The following DYM variants were observed in gnomAD, a reference collection of about 807,000 sequenced individuals.
DYM encodes the protein dymeclin.
In DYM, 78 loss-of-function variants were observed where a neutral mutation model predicts 93.1. The observed-to-expected ratio is 0.84, with a 90% CI of 0.70 to 1.01. The LOEUF (loss-of-function observed/expected upper bound fraction) is 1.01, where lower values mean the gene tolerates loss of function less well. DYM is among the 50% of genes least tolerant of loss of function. DYM has a pLI of 0.00. For synonymous variants in DYM, 321 were observed against 319.7 expected (o/e 1.00, Z -0.04); for missense variants, 789 against 845.0 (o/e 0.93, Z 0.82).
At chr18:49,052,711 C>T (rs1220866710) in intron 17 of DYM, among the ~76,000 whole-genome samples, 1 of 152,262 alleles carries the variant, frequency 6.6e-6, no homozygotes, top group Non-Finnish European at 1.5e-5. Flanking sequence ...TGGCTCTTCT[C>T]TGCCCACATC....
rs74169170 is a variant in DYM, at chr18:49,292,361, C to G, written c.764-5745G>C. Among the ~76,000 whole-genome samples, 385 of 75,410 alleles carry G rather than the reference C, an allele frequency of 5.1e-3. 1 individual carries two copies. The highest frequency in any genetic ancestry group is 0.013 in the African/African-American group (279 of 21,602). The allele number at this position is 75,410 out of a possible 152,430, so 49.5% of individuals were successfully genotyped here. A position where few individuals can be genotyped will look rare whatever the true frequency, so the allele number is the denominator to read the frequency against. ...GCAGACAGACAGACAGACAGACACA[C>G]ACACACACACACACACACACACACA... On this transcript the variant is annotated intron_variant, in intron 8 of 17. Coordinates refer to ENST00000675505, the MANE Select transcript of DYM (RefSeq NM_001353214.3).
chr18:49,221,446 C>T (rs2144076300), intron 13 of DYM, among the ~76,000 whole-genome samples: 1 of 152,142 alleles, frequency 6.6e-6, no homozygotes, highest in Non-Finnish European at 1.5e-5. Context: ...GCTATAAAGA[C>T]ACATGCACAC....
At chr18:49,107,456 C>A (rs1454573211) in intron 16 of DYM, among the ~76,000 whole-genome samples, 2 of 152,310 alleles carry the variant, frequency 1.3e-5, no homozygotes, top group East Asian at 3.9e-4. Flanking sequence ...TGAGGAGCTG[C>A]GTTCCTTTGG....
At chr18:49,385,419 G>C (rs2147798380) in intron 3 of DYM, among the ~76,000 whole-genome samples, 1 of 152,304 alleles carries the variant, frequency 6.6e-6, no homozygotes, top group East Asian at 1.9e-4. Context: ...ATCTGGGCTG[G>C]GCACAGTGGC....
intron 2 of DYM, among the ~76,000 whole-genome samples, chr18:49,422,637 G>A (rs1011563516): frequency 1.3e-5 from 2 of 152,108 alleles, no homozygotes; most frequent in African/African-American, 2.4e-5. Flanking sequence ...TCAGTGTGCT[G>A]TATTCAGGAA....
intron 14 of DYM, among the ~76,000 whole-genome samples, chr18:49,193,969 C>T (rs2091212030): frequency 6.6e-6 from 1 of 152,166 alleles, no homozygotes; most frequent in Non-Finnish European, 1.5e-5. Context: ...GTAGGTGAAA[C>T]ACTAACTTCT....
chr18:49,065,112 A>T (rs1262272106), intron 17 of DYM, among the ~76,000 whole-genome samples: 1 of 152,198 alleles, frequency 6.6e-6, no homozygotes, highest in Non-Finnish European at 1.5e-5. Context: ...TAACTAAAAA[A>T]TACAAATTGG....
At chr18:49,080,909 G>A (rs1434626410) in intron 17 of DYM, among the ~76,000 whole-genome samples, 13 of 146,374 alleles carry the variant, frequency 8.9e-5, no homozygotes, top group South Asian at 2.2e-4. Context: ...GACGATGGGC[G>A]GCCGAGCAGA....
intron 1 of DYM, among the ~76,000 whole-genome samples, chr18:49,451,654 C>T (rs1355926006): frequency 6.6e-6 from 1 of 152,158 alleles, no homozygotes; most frequent in African/African-American, 2.4e-5. Context: ...AAGGACTATG[C>T]AGAAATAATT....
chr18:49,204,944 T>C (rs980293197), intron 14 of DYM, among the ~76,000 whole-genome samples: 1 of 152,184 alleles, frequency 6.6e-6, no homozygotes, highest in Non-Finnish European at 1.5e-5. Flanking sequence ...ATAAATTCAA[T>C]ACATTACATA....
chr18:49,205,521 A>G (rs2092428928), intron 14 of DYM, among the ~76,000 whole-genome samples: 1 of 152,100 alleles, frequency 6.6e-6, no homozygotes, highest in Non-Finnish European at 1.5e-5. Context: ...TTTAAATTAT[A>G]AAATATACTG....
chr18:49,329,304 A>G (rs1599466096), intron 8 of DYM, among the ~76,000 whole-genome samples: 2 of 102,804 alleles, frequency 1.9e-5, no homozygotes, highest in Non-Finnish European at 2.0e-5. Context: ...GGGAGGGGGG[A>G]GGGATAGCAT....
chr18:49,195,085 T>C (rs1443141603), intron 14 of DYM, among the ~76,000 whole-genome samples: 1 of 152,198 alleles, frequency 6.6e-6, no homozygotes, highest in Admixed American at 6.5e-5. Context: ...CTCTTCTGCT[T>C]AGCTGAAGCT....
intron 11 of DYM, among the ~76,000 whole-genome samples, chr18:49,262,218 T>C (rs1302927735): frequency 2.0e-5 from 3 of 152,096 alleles, no homozygotes; most frequent in Non-Finnish European, 4.4e-5. Context: ...ACTGGAGTGA[T>C]GTAGATAGAT....
At position 49,441,306 on chromosome 18, in the gene DYM, TA is replaced by T. The variant is rs2081577304; in HGVS notation, c.-53-10860del. 5.4e-4 allele frequency among the ~76,000 whole-genome samples: 27 copies of T among 50,194 alleles called. 1 individual carries two copies. Among genetic ancestry groups the T allele is most frequent in the African/African-American group, 2.4e-3 (25 of 10,488 alleles). The allele number at this position is 50,194 out of a possible 152,430, so 32.9% of individuals were successfully genotyped here. A position where few individuals can be genotyped will look rare whatever the true frequency, so the allele number is the denominator to read the frequency against. On this transcript the variant is annotated intron_variant, in intron 1 of 17. Coordinates refer to ENST00000675505, the MANE Select transcript of DYM (RefSeq NM_001353214.3). ...TAATTATATATAATATAATTATATATAATTAATATATAATTATATATAATAT... is the reference window on the plus strand; with the variant it reads ...TAATTATATATAATATAATTATATATATTAATATATAATTATATATAATAT...
At chr18:49,277,125 G>A (rs2094863999) in intron 10 of DYM, among the ~76,000 whole-genome samples, 1 of 152,148 alleles carries the variant, frequency 6.6e-6, no homozygotes, top group Admixed American at 6.6e-5. Flanking sequence ...TACATGTTTG[G>A]TTTAAGGTGT....
intron 1 of DYM, among the ~76,000 whole-genome samples, chr18:49,455,074 G>A (rs745762823): frequency 3.3e-5 from 5 of 152,104 alleles, no homozygotes; most frequent in Non-Finnish European, 5.9e-5. Flanking sequence ...AGGCCAGAAA[G>A]TAAGCTGAGG....
At chr18:49,270,488 G>C (rs891379106) in intron 11 of DYM, among the ~76,000 whole-genome samples, 1 of 152,154 alleles carries the variant, frequency 6.6e-6, no homozygotes, top group African/African-American at 2.4e-5. Flanking sequence ...ATGAAGTCTA[G>C]AGATCTAATG....
intron 2 of DYM, among the ~76,000 whole-genome samples, chr18:49,405,176 T>C (rs2071334266): frequency 6.6e-6 from 1 of 152,246 alleles, no homozygotes; most frequent in South Asian, 2.1e-4. Flanking sequence ...TGCAAATATT[T>C]TCTCCCATTC....
Sources: gnomAD v4.1 joint callset for allele counts (sites outside exome capture counted in the v4.1 genomes callset) on GRCh38, gnomAD v4.1.1 for gene constraint, MANE v1.5 for transcripts, NCBI Gene and HGNC (gene_info 2026-07-23, HGNC 2026-07-21) for gene names.